Variants in SPIDR observed in about 807,000 individuals in gnomAD.
SPIDR encodes scaffold protein involved in DNA repair, also known as DNA repair-scaffolding protein.
A neutral mutation model predicts 104.6 loss-of-function variants in SPIDR; 93 were observed. The observed-to-expected ratio is 0.89, with a 90% confidence interval of 0.75 to 1.06. The LOEUF is 1.06. Among genes scored for constraint, SPIDR ranks in the 50% least tolerant of loss-of-function variants. SPIDR has a pLI of 0.00. For missense variants in SPIDR, 1,154 were observed against 1,111.2 expected, an observed-to-expected ratio of 1.04 and a Z score of -0.55; for synonymous variants, 431 against 416.9, an observed-to-expected ratio of 1.03 and a Z score of -0.41.
At chr8:47,397,955 G>A (rs1368946843) in intron 6 of SPIDR, among the ~76,000 whole-genome samples, 1 of 152,172 alleles carries the variant, frequency 6.6e-6, no homozygotes, top group East Asian at 1.9e-4. Flanking sequence ...GTGGAGAGGA[G>A]AGCCCCAGCT....
At chr8:47,553,964 C>A (rs1222551739) in intron 8 of SPIDR, among the ~76,000 whole-genome samples, 2 of 152,188 alleles carry the variant, frequency 1.3e-5, no homozygotes, top group African/African-American at 4.8e-5. Context: ...TGTTTTCCTT[C>A]CAACAATCAG....
chr8:47,672,424 A>G (rs1426349787), intron 10 of SPIDR, among the ~76,000 whole-genome samples: 1 of 151,882 alleles, frequency 6.6e-6, no homozygotes, highest in East Asian at 1.9e-4. Flanking sequence ...ACCTTCTCTC[A>G]TGTTTTTTTC....
chr8:47,285,415 G>A (rs1586340513), intron 3 of SPIDR, among the ~76,000 whole-genome samples: 1 of 152,196 alleles, frequency 6.6e-6, no homozygotes, highest in Non-Finnish European at 1.5e-5. Context: ...TGTTGGCAGA[G>A]ACAAGCCTCT....
At chr8:47,476,434 G>A (rs1467238672) in intron 8 of SPIDR, among the ~76,000 whole-genome samples, 3 of 152,050 alleles carry the variant, frequency 2.0e-5, no homozygotes, top group Admixed American at 6.5e-5. Flanking sequence ...CCCAGCATGC[G>A]GCCAATAAGC....
intron 5 of SPIDR, among the ~76,000 whole-genome samples, chr8:47,299,845 C>T (rs1397890796): frequency 6.6e-6 from 1 of 152,108 alleles, no homozygotes; most frequent in Non-Finnish European, 1.5e-5. Flanking sequence ...CTGCTGGATT[C>T]GGTGTGCCAG....
chr8:47,662,794 G>T (rs748159195), intron 10 of SPIDR, among the ~76,000 whole-genome samples: 1 of 152,194 alleles, frequency 6.6e-6, no homozygotes, highest in Non-Finnish European at 1.5e-5. Context: ...GGTATTAGGG[G>T]GTGGGGCCTT....
intron 5 of SPIDR, among the ~76,000 whole-genome samples, chr8:47,384,771 A>G (rs1176118060): frequency 6.6e-6 from 1 of 152,192 alleles, no homozygotes; most frequent in Non-Finnish European, 1.5e-5. Context: ...TCCTCTGCTA[A>G]AAAATTCCAT....
chr8:47,627,402 T>A (rs1376285168), intron 10 of SPIDR, among the ~76,000 whole-genome samples: 7 of 150,868 alleles, frequency 4.6e-5, no homozygotes, highest in Non-Finnish European at 8.9e-5. Context: ...AATAAAAATT[T>A]AAAAAAAAAG....
chr8:47,623,705 G>A (rs998349119), intron 10 of SPIDR, among the ~76,000 whole-genome samples: 2 of 152,148 alleles, frequency 1.3e-5, no homozygotes, highest in South Asian at 4.1e-4. Context: ...AAATATATAT[G>A]CACCCAATAC....
chr8:47,610,638 A>G (rs2063486202), intron 10 of SPIDR, among the ~76,000 whole-genome samples: 1 of 152,202 alleles, frequency 6.6e-6, no homozygotes, highest in Non-Finnish European at 1.5e-5. Context: ...TTGGCTCCAC[A>G]GTTCTCAATG....
At chr8:47,392,286 C>T (rs1043106312) in intron 5 of SPIDR, among the ~76,000 whole-genome samples, 3 of 152,104 alleles carry the variant, frequency 2.0e-5, no homozygotes, top group Non-Finnish European at 2.9e-5. Context: ...CAACAGTGTT[C>T]GAGTCAGACA....
chr8:47,409,910 C>T (rs1431472672), intron 7 of SPIDR, among the ~76,000 whole-genome samples: 3 of 152,120 alleles, frequency 2.0e-5, no homozygotes, highest in Non-Finnish European at 4.4e-5. Context: ...CGTCTATAGT[C>T]CTAACTACTC....
intron 9 of SPIDR, among the ~76,000 whole-genome samples, chr8:47,597,884 G>C (rs1163128995): frequency 6.6e-6 from 1 of 152,148 alleles, no homozygotes; most frequent in African/African-American, 2.4e-5. Context: ...CTGGCCTCAA[G>C]ATCTCTGGGT....
intron 7 of SPIDR, among the ~76,000 whole-genome samples, chr8:47,412,841 TTC>T (rs1382222460): frequency 1.3e-5 from 2 of 152,320 alleles, no homozygotes; most frequent in East Asian, 3.9e-4. Flanking sequence ...TCTAAATAGT[TTC>T]TGTTTAATTT....
At chr8:47,533,995 A>C (rs1248740439) in intron 8 of SPIDR, among the ~76,000 whole-genome samples, 1 of 152,208 alleles carries the variant, frequency 6.6e-6, no homozygotes, top group African/African-American at 2.4e-5. Context: ...GGGCGGGACC[A>C]GGTGGAGGTA....
intron 1 of SPIDR, among the ~76,000 whole-genome samples, chr8:47,267,681 C>A (rs1421123575): frequency 1.3e-5 from 2 of 152,112 alleles, no homozygotes; most frequent in African/African-American, 2.4e-5. Flanking sequence ...TATTTGGCTG[C>A]GTTTTCATTG....
chr8:47,368,343 C>CAAAAAAAAAAAAA (rs34106189), intron 5 of SPIDR, among the ~76,000 whole-genome samples: 1 of 49,420 alleles, frequency 2.0e-5, no homozygotes, highest in Non-Finnish European at 3.2e-5. Context: ...GTTGAGAAGT[C>CAAAAAAAAAAAAA]AAAAAAAAAA....
intron 5 of SPIDR, among the ~76,000 whole-genome samples, chr8:47,361,560 A>G (rs1315614186): frequency 3.3e-5 from 5 of 152,252 alleles, no homozygotes; most frequent in Non-Finnish European, 5.9e-5. Context: ...TCCTCCAACC[A>G]CTGACTACAG....
At chr8:47,343,863 T>C (rs1324542327) in intron 5 of SPIDR, among the ~76,000 whole-genome samples, 1 of 152,094 alleles carries the variant, frequency 6.6e-6, no homozygotes, top group Non-Finnish European at 1.5e-5. Flanking sequence ...TGGAGAATTG[T>C]CCTTCGGGGG....
Sources: gnomAD v4.1 joint callset for allele counts (sites outside exome capture counted in the v4.1 genomes callset) on GRCh38, gnomAD v4.1.1 for gene constraint, MANE v1.5 for transcripts, NCBI Gene and HGNC (gene_info 2026-07-23, HGNC 2026-07-21) for gene names.